The following PTPRD variants were observed in gnomAD, a reference collection of about 807,000 sequenced individuals.
The protein encoded by PTPRD is receptor-type tyrosine-protein phosphatase delta.
In PTPRD, 34 loss-of-function variants were observed where a neutral mutation model predicts 214.5. That is an observed-to-expected ratio of 0.16 (90% confidence interval 0.12 to 0.21). The LOEUF is 0.21. PTPRD is among the 10% of genes least tolerant of loss of function. The pLI, the probability that PTPRD is intolerant of heterozygous loss-of-function variation, is 1.00. For missense variants in PTPRD, 2,545 were observed against 2,398.7 expected (o/e 1.06, Z -1.27); for synonymous variants, 1,128 against 845.7 (o/e 1.33, Z -5.79).
chr9:9,049,931 G>A (rs1308640912), intron 10 of PTPRD, among the ~76,000 whole-genome samples: 1 of 152,166 alleles, frequency 6.6e-6, no homozygotes, highest in East Asian at 1.9e-4. Flanking sequence ...TGACATTAAT[G>A]GTTCCTGAGT....
chr9:8,976,284 A>T (rs2099267580), intron 11 of PTPRD, among the ~76,000 whole-genome samples: 1 of 152,084 alleles, frequency 6.6e-6, no homozygotes, highest in Non-Finnish European at 1.5e-5. Context: ...AGTGTTTTGC[A>T]CATAGTTATT....
chr9:9,028,927 T>C (rs1466358280), intron 10 of PTPRD, among the ~76,000 whole-genome samples: 1 of 147,014 alleles, frequency 6.8e-6, no homozygotes, highest in Non-Finnish European at 1.5e-5. Flanking sequence ...AAGCAAGGAA[T>C]GAAAATGGGG....
intron 2 of PTPRD, among the ~76,000 whole-genome samples, chr9:10,378,586 A>T (rs1174032686): frequency 1.3e-5 from 2 of 151,954 alleles, no homozygotes; most frequent in African/African-American, 4.8e-5. Flanking sequence ...CTTTCCCCTC[A>T]GTATGTTATT....
At position 9,572,675 on chromosome 9, in the gene PTPRD, G is replaced by A. The variant is rs183522862; in HGVS notation, c.-237+2057C>T. Reference sequence around the variant, plus strand: ...ATAACCCGATATGTATATTATGTATGTATAAACATATGTATGTATAAACAT... The same window carrying A: ...ATAACCCGATATGTATATTATGTATATATAAACATATGTATGTATAAACAT... On this transcript the variant is annotated intron_variant, in intron 8 of 45. Coordinates refer to ENST00000381196, the MANE Select transcript of PTPRD (RefSeq NM_002839.4). 2.6e-3 allele frequency among the ~76,000 whole-genome samples: 385 copies of A among 148,332 alleles called. 1 individual carries two copies. The highest frequency in any genetic ancestry group is 8.6e-3 in the African/African-American group (351 of 40,580).
At chr9:9,325,050 T>C (rs1017037782) in intron 9 of PTPRD, among the ~76,000 whole-genome samples, 1 of 152,204 alleles carries the variant, frequency 6.6e-6, no homozygotes, top group Non-Finnish European at 1.5e-5. Flanking sequence ...CATTGATCTA[T>C]ATCTCTGTTT....
At chr9:9,790,520 G>T (rs983989262) in intron 5 of PTPRD, among the ~76,000 whole-genome samples, 1 of 152,078 alleles carries the variant, frequency 6.6e-6, no homozygotes, top group South Asian at 2.1e-4. Flanking sequence ...CAAATGTTTT[G>T]TAAGTTATTC....
chr9:8,548,096 G>C (rs1379403909), intron 14 of PTPRD, among the ~76,000 whole-genome samples: 2 of 152,184 alleles, frequency 1.3e-5, no homozygotes, highest in East Asian at 3.9e-4. Flanking sequence ...GTAGATCTAA[G>C]AGCATGAATA....
chr9:9,643,422 A>G (rs1177685909), intron 7 of PTPRD, among the ~76,000 whole-genome samples: 1 of 152,172 alleles, frequency 6.6e-6, no homozygotes, highest in Non-Finnish European at 1.5e-5. Context: ...CAGGACTGTT[A>G]GAAAAACAGC....
At chr9:8,675,801 T>C (rs2097399262) in intron 12 of PTPRD, among the ~76,000 whole-genome samples, 1 of 152,156 alleles carries the variant, frequency 6.6e-6, no homozygotes, top group Admixed American at 6.5e-5. Flanking sequence ...ACCAGGGCAA[T>C]TTTAGAAGCA....
chr9:10,072,864 T>C (rs1423505154), intron 3 of PTPRD, among the ~76,000 whole-genome samples: 2 of 152,070 alleles, frequency 1.3e-5, no homozygotes, highest in African/African-American at 4.8e-5. Flanking sequence ...GATTTGAAAA[T>C]ATATAGCCAC....
intron 10 of PTPRD, among the ~76,000 whole-genome samples, chr9:9,089,386 C>G (rs2099772221): frequency 6.6e-6 from 1 of 152,128 alleles, no homozygotes; most frequent in African/African-American, 2.4e-5. Flanking sequence ...GCACAGTGCT[C>G]AAATAATGAG....
intron 7 of PTPRD, among the ~76,000 whole-genome samples, chr9:9,601,143 G>GCA (rs2093724061): frequency 8.5e-6 from 1 of 117,258 alleles, no homozygotes; most frequent in African/African-American, 3.5e-5. Context: ...GTGTGTGTGT[G>GCA]TGTGTGTATG....
chr9:10,129,394 T>C (rs887235852), intron 3 of PTPRD, among the ~76,000 whole-genome samples: 1 of 152,128 alleles, frequency 6.6e-6, no homozygotes, highest in Non-Finnish European at 1.5e-5. Flanking sequence ...AATATTCTGT[T>C]TTCACTGCTG....
At chr9:9,860,667 C>G (rs2062536546) in intron 5 of PTPRD, among the ~76,000 whole-genome samples, 1 of 152,150 alleles carries the variant, frequency 6.6e-6, no homozygotes, top group African/African-American at 2.4e-5. Context: ...AATGGTGAAG[C>G]AGAATATGTC....
chr9:8,319,819 G>A lies in PTPRD; in HGVS notation c.5670+12C>T. On this transcript the variant is annotated intron_variant, in intron 45 of 45. Coordinates refer to ENST00000381196, the MANE Select transcript of PTPRD (RefSeq NM_002839.4). The stretch of plus-strand genomic sequence containing the variant: ...GCTCTTGAGATGCGAAAAATGCAAT[G>A]GATTTTCTCACCTCTGTCTGTACCA... 1 of 1,611,540 alleles carries A rather than the reference G, an allele frequency of 6.2e-7. No homozygotes were observed. The highest frequency in any genetic ancestry group is 8.5e-7 in the Non-Finnish European group (1 of 1,178,896).
chr9:8,341,377 TACTTA>T (rs1852282736), intron 40 of PTPRD, 109 bp from the exon 41 acceptor site: 1 of 1,190,810 alleles, frequency 8.4e-7, no homozygotes, highest in Admixed American at 2.5e-5. Flanking sequence ...ATCTTTTGTT[TACTTA>T]AAGTAAATGA....
intron 5 of PTPRD, among the ~76,000 whole-genome samples, chr9:9,880,077 G>A (rs1221678469): frequency 1.3e-5 from 2 of 152,160 alleles, no homozygotes; most frequent in African/African-American, 2.4e-5. Flanking sequence ...TGTCCAGGGA[G>A]GGAGGTGATT....
chr9:9,953,357 G>C (rs73643836), intron 4 of PTPRD, among the ~76,000 whole-genome samples: 9,201 of 152,080 alleles, frequency 0.061, 628 homozygotes, highest in East Asian at 0.24. Context: ...ACTGGGTACA[G>C]TGTACACCAT....
In PTPRD at chr9:9,287,242, G is replaced by C. The variant is rs1370179881; in HGVS notation, c.-202-103879C>G. ...TCTGTCATCCCACCCCAAAACAAAAGGTATTTAGTATAGGAATGTTGGCAT... is the reference window on the plus strand; with the variant it reads ...TCTGTCATCCCACCCCAAAACAAAACGTATTTAGTATAGGAATGTTGGCAT... On this transcript the variant is annotated intron_variant, in intron 9 of 45. Transcript: ENST00000381196. Among the ~76,000 whole-genome samples the C allele has an allele frequency of 2.0e-5, 3 of 151,268 alleles. No homozygotes were observed. In the East Asian group the frequency reaches 5.9e-4, roughly 30 times the overall value.
Sources: gnomAD v4.1 joint callset for allele counts (sites outside exome capture counted in the v4.1 genomes callset) on GRCh38, gnomAD v4.1.1 for gene constraint, MANE v1.5 for transcripts, NCBI Gene and HGNC (gene_info 2026-07-23, HGNC 2026-07-21) for gene names.